The following CNST variants were observed in gnomAD, a reference collection of about 807,000 sequenced individuals.
CNST encodes consortin, connexin sorting protein, also known as consortin.
CNST carries 39 observed loss-of-function variants against 72.4 expected under a neutral mutation model. The ratio of observed to expected loss-of-function variants is 0.54; its 90% CI spans 0.42 to 0.70. The LOEUF (loss-of-function observed/expected upper bound fraction) is 0.70. CNST is among the 30% of genes least tolerant of loss of function. The probability of loss-of-function intolerance (pLI) is 0.00; values close to 1 mark genes in which losing one functional copy is unlikely to be tolerated. For missense variants in CNST, 871 were observed against 868.5 expected (o/e 1.00, Z -0.04); for synonymous variants, 332 against 320.1 (o/e 1.04, Z -0.40).
Position 246,634,016 on chromosome 1 carries a change from T to C in CNST, c.703+6T>C. The C allele has an allele frequency of 6.3e-7, 1 of 1,578,646 alleles. No homozygotes were observed. Among genetic ancestry groups the C allele is most frequent in the Non-Finnish European group, 8.7e-7 (1 of 1,148,236 alleles). On this transcript the variant is annotated splice_donor_region_variant and intron_variant, in intron 5 of 10. Coordinates refer to ENST00000366513, the MANE Select transcript of CNST (RefSeq NM_152609.3). Reference sequence around the variant, plus strand: ...TGCCATTCAAGAACAGTGGGGTAAGTACAGACCAACATGGAATGTGGAATT... The same window carrying C: ...TGCCATTCAAGAACAGTGGGGTAAGCACAGACCAACATGGAATGTGGAATT...
chr1:246,579,153 T>C (rs1660630147), intron 1 of CNST, among the ~76,000 whole-genome samples: 2 of 152,242 alleles, frequency 1.3e-5, no homozygotes, highest in Admixed American at 1.3e-4. Context: ...TATATTCTGC[T>C]CTATAATAGC....
chr1:246,632,627 G>C (rs916048338), intron 4 of CNST: 1 of 158,870 alleles, frequency 6.3e-6, no homozygotes, highest in African/African-American at 2.4e-5. Flanking sequence ...TTCTGGGTCA[G>C]CATTTAGAGC....
chr1:246,662,793 T>TC (rs901252597), intron 10 of CNST, among the ~76,000 whole-genome samples: 1 of 152,368 alleles, frequency 6.6e-6, no homozygotes, highest in African/African-American at 2.4e-5. Context: ...ATCCTTTTTT[T>TC]CACACTAAGT....
At chr1:246,595,872 G>GA (rs1162706731) in intron 2 of CNST, among the ~76,000 whole-genome samples, 3 of 151,744 alleles carry the variant, frequency 2.0e-5, no homozygotes, top group Non-Finnish European at 4.4e-5. Flanking sequence ...GCTAGTACTG[G>GA]AAAAAAAATG....
intron 3 of CNST, among the ~76,000 whole-genome samples, chr1:246,625,584 G>C (rs1664371880): frequency 6.6e-6 from 1 of 151,682 alleles, no homozygotes; most frequent in South Asian, 2.1e-4. Flanking sequence ...ACCACGCCCA[G>C]CTAATTTTTG....
intron 1 of CNST, among the ~76,000 whole-genome samples, chr1:246,574,032 AT>A (rs1265317565): frequency 6.6e-6 from 1 of 152,136 alleles, no homozygotes; most frequent in Non-Finnish European, 1.5e-5. Flanking sequence ...TACAGAAGTA[AT>A]AATGCTCCAA....
chr1:246,573,715 T>A (rs968103442), intron 1 of CNST, among the ~76,000 whole-genome samples: 4 of 152,222 alleles, frequency 2.6e-5, no homozygotes, highest in African/African-American at 4.8e-5. Context: ...CAGGAACACT[T>A]ATCTGGGCTG....
intron 1 of CNST, among the ~76,000 whole-genome samples, chr1:246,580,737 G>A (rs1433323490): frequency 3.3e-5 from 5 of 151,782 alleles, no homozygotes; most frequent in Non-Finnish European, 7.4e-5. Context: ...CTTTCTGAAG[G>A]TTTCTTTTTT....
chr1:246,657,744 G>A (rs924217384), intron 9 of CNST, among the ~76,000 whole-genome samples: 9 of 152,128 alleles, frequency 5.9e-5, no homozygotes, highest in South Asian at 4.2e-4. Context: ...CCTCACAGCC[G>A]CTGCACTAGG....
chr1:246,594,218 T>C (rs1490061233), intron 2 of CNST, among the ~76,000 whole-genome samples: 1 of 152,174 alleles, frequency 6.6e-6, no homozygotes, highest in Admixed American at 6.6e-5. Flanking sequence ...TCATGCTACC[T>C]TGCCCAGGTT....
rs368685351 is a variant in CNST, at chr1:246,571,618, C to G, written c.-52+4955C>G. On this transcript the variant is annotated intron_variant, in intron 1 of 10. Coordinates refer to ENST00000366513, the MANE Select transcript of CNST (RefSeq NM_152609.3). ...TGTGCCTATGAAAATACTGACAAATCAAGATGATTTTTCCTTTTAGATTAA... is the reference window on the plus strand; with the variant it reads ...TGTGCCTATGAAAATACTGACAAATGAAGATGATTTTTCCTTTTAGATTAA... Among the ~76,000 whole-genome samples the G allele has an allele frequency of 1.1e-4, 17 of 152,174 alleles. No individual in the cohort carries two copies. The East Asian group carries it at 3.1e-3, about 28-fold the overall frequency.
intron 5 of CNST, 78 bp downstream of exon 5, chr1:246,634,088 C>A: frequency 1.1e-6 from 1 of 935,044 alleles, no homozygotes; most frequent in Non-Finnish European, 1.7e-6. Context: ...CATATTTGAC[C>A]TGGTTTTATA....
At chr1:246,569,463 A>G (rs1226836878) in intron 1 of CNST, among the ~76,000 whole-genome samples, 1 of 152,132 alleles carries the variant, frequency 6.6e-6, no homozygotes, top group Non-Finnish European at 1.5e-5. Context: ...CTACACTGAG[A>G]GTCTGATTCT....
chr1:246,600,060 G>C (rs1013979317), intron 2 of CNST, among the ~76,000 whole-genome samples: 3 of 152,206 alleles, frequency 2.0e-5, no homozygotes, highest in Admixed American at 6.5e-5. Context: ...TGGTATCTAA[G>C]CTGAGTTAGG....
chr1:246,665,497 A>T (rs1572265945), intron 10 of CNST, among the ~76,000 whole-genome samples: 1 of 152,242 alleles, frequency 6.6e-6, no homozygotes, highest in African/African-American at 2.4e-5. Flanking sequence ...TAGCTTGTAC[A>T]AGCTCCACAA....
At chr1:246,636,118 C>T (rs1452429710) in intron 6 of CNST, among the ~76,000 whole-genome samples, 1 of 152,128 alleles carries the variant, frequency 6.6e-6, no homozygotes, top group African/African-American at 2.4e-5. Flanking sequence ...TGTACAGTTC[C>T]AGGCCTTTTT....
chr1:246,632,071 A>C, intron 4 of CNST, 147 bp downstream of exon 4: 1 of 528,542 alleles, frequency 1.9e-6, no homozygotes, highest in Non-Finnish European at 3.3e-6. Context: ...CCGTGTAACC[A>C]CCTCAGAAAG....
intron 10 of CNST, 116 bp downstream of exon 10, chr1:246,660,450 G>T: frequency 2.6e-6 from 3 of 1,156,886 alleles, no homozygotes; most frequent in Non-Finnish European, 2.4e-6. Context: ...TGTCCGCCAG[G>T]CACGGTGGCT....
intron 10 of CNST, among the ~76,000 whole-genome samples, chr1:246,665,164 G>A (rs149654546): frequency 5.1e-4 from 78 of 152,206 alleles, no homozygotes; most frequent in African/African-American, 1.8e-3. Flanking sequence ...GAGGCCAGGA[G>A]TTCAAGACCA....
Sources: allele counts gnomAD v4.1 joint callset (sites outside exome capture counted in the v4.1 genomes callset), GRCh38; gene constraint gnomAD v4.1.1; transcripts MANE v1.5; gene names NCBI Gene and HGNC (gene_info 2026-07-23, HGNC 2026-07-21).